Variants in BRME1 observed in about 807,000 individuals in gnomAD.
BRME1 encodes BRCA2 and MEILB2-associating protein 1.
In BRME1, 31 loss-of-function variants were observed where a neutral mutation model predicts 52.6. That is an observed-to-expected ratio of 0.59 (90% CI 0.44 to 0.80). The LOEUF (loss-of-function observed/expected upper bound fraction) is 0.80, where lower values mean the gene tolerates loss of function less well. Ranked by LOEUF, BRME1 falls within the 30% of genes least tolerant of loss-of-function variation. BRME1 has a pLI of 0.00. For synonymous variants in BRME1, 359 were observed against 353.6 expected (o/e 1.02, Z -0.17); for missense variants, 804 against 860.3 (o/e 0.93, Z 0.82).
At position 13,883,530 on chromosome 19, in the gene BRME1, G is replaced by A. The variant is rs1000199459; in HGVS notation, c.1764-130C>T. On this transcript the variant is annotated intron_variant, in intron 7 of 8. Coordinates refer to ENST00000586783, the MANE Select transcript of BRME1 (RefSeq NM_001345843.2). The surrounding 1 kb of genome is among the most constrained non-coding windows in gnomAD (Gnocchi z 4.2). ...GTCCAGCCTGTCCTCCTCTGTTCAC[G>A]ACAGAACCCTGATGGCCAACCCAGC... is the stretch of plus-strand genomic sequence containing the variant. 1.4e-5 allele frequency: 10 copies of A among 698,566 alleles called. No individual in the cohort carries two copies. Among genetic ancestry groups the A allele is most frequent in the South Asian group, 3.6e-5 (2 of 55,676 alleles). The allele number at this position is 698,566 out of a possible 1,614,324, so 43.3% of individuals were successfully genotyped here. A position where few individuals can be genotyped will look rare whatever the true frequency, so the allele number is the denominator to read the frequency against.
chr19:13,886,176 G>A, intron 6 of BRME1, 121 bp from the exon 7 acceptor site: 1 of 745,782 alleles, frequency 1.3e-6, no homozygotes, highest in Non-Finnish European at 2.2e-6. Context: ...TCACATCGGG[G>A]CTGGCTGGGA....
At chr19:13,895,239 A>G in intron 3 of BRME1, 133 bp downstream of exon 3, 1 of 884,724 alleles carries the variant, frequency 1.1e-6, no homozygotes. Flanking sequence ...GAGGGCCCTG[A>G]GCTCTGGGAG....
In BRME1 at chr19:13,890,457, T is replaced by C; in HGVS notation, c.399A>G (p.Thr133=). 6.7e-7 allele frequency: 1 copy of C among 1,493,716 alleles called. No homozygotes were observed. Among genetic ancestry groups the C allele is most frequent in the Non-Finnish European group, 8.9e-7 (1 of 1,127,568 alleles). 92.5% of individuals were successfully genotyped at this position (1,493,716 alleles called of 1,614,324 possible). ...GACTCTGGGCGCTGGACTCTGCGAT[T>C]GTTTCCTGTGGACAGAAAAAGACTC... ...DRGSGAFSLE[T]IAESSAQSPG... is the part of the protein sequence containing the mutation. Residue 133 remains threonine, a synonymous_variant, in exon 6 of 9, where the codon ACA becomes ACG. Coordinates refer to ENST00000586783, the MANE Select transcript of BRME1 (RefSeq NM_001345843.2).
chr19:13,894,994 C>A (rs1969776441), intron 3 of BRME1, among the ~76,000 whole-genome samples: 1 of 152,080 alleles, frequency 6.6e-6, no homozygotes, highest in Non-Finnish European at 1.5e-5. Context: ...GATTCTCCTG[C>A]CTTAGCCTCC....
In BRME1 at chr19:13,883,176, G is replaced by T; in HGVS notation, c.1856+132C>A. The T allele has an allele frequency of 1.0e-6, 1 of 980,930 alleles. No homozygotes were observed. The allele number at this position is 980,930 out of a possible 1,614,324, so 60.8% of individuals were successfully genotyped here. ...GACGGGGGAGGGGGGCCACGGTGAG[G>T]ACCCAGCAGCAGTGAGGTGCCTGAC... On this transcript the variant is annotated intron_variant, in intron 8 of 8. Transcript: ENST00000586783. The surrounding 1 kb of genome is among the most constrained non-coding windows in gnomAD (Gnocchi z 4.2).
intron 5 of BRME1, among the ~76,000 whole-genome samples, chr19:13,891,651 T>C (rs543442491): frequency 6.6e-6 from 1 of 151,556 alleles, no homozygotes; most frequent in South Asian, 2.1e-4. Flanking sequence ...GTTTTTTTGG[T>C]AGAGATGGCG....
At position 13,892,894 on chromosome 19, in the gene BRME1, TA is replaced by T; in HGVS notation, c.289-5del. ...GAACAAACCTCCCGAATGAGTTCTG[TA>T]AACCGGATACAAGAACAAAGCAGCA... On this transcript the variant is annotated splice_region_variant and splice_polypyrimidine_tract_variant and intron_variant, in intron 4 of 8. Transcript: ENST00000586783. 2 of 1,609,964 alleles carry T rather than the reference TA, an allele frequency of 1.2e-6. No individual in the cohort carries two copies. Among genetic ancestry groups the T allele is most frequent in the Non-Finnish European group, 1.7e-6 (2 of 1,176,184 alleles).
chr19:13,890,451 T>C lies in BRME1; in HGVS notation c.405A>G (p.Ala135=). The change falls in exon 6 of 9, where the codon GCA becomes GCG. Residue 135 remains alanine (A), a synonymous_variant. Transcript: ENST00000586783. ...GSGAFSLETI[A]ESSAQSPGCQ... ...ATCCTGGACTCTGGGCGCTGGACTCTGCGATTGTTTCCTGTGGACAGAAAA... is the reference window on the plus strand; with the variant it reads ...ATCCTGGACTCTGGGCGCTGGACTCCGCGATTGTTTCCTGTGGACAGAAAA... The C allele has an allele frequency of 1.3e-6, 2 of 1,495,050 alleles. No individual in the cohort carries two copies. The highest frequency in any genetic ancestry group is 1.8e-6 in the Non-Finnish European group (2 of 1,128,000). 92.6% of individuals were successfully genotyped at this position (1,495,050 alleles called of 1,614,324 possible).
intron 3 of BRME1, among the ~76,000 whole-genome samples, chr19:13,894,350 C>T (rs943460440): frequency 5.9e-5 from 9 of 152,214 alleles, no homozygotes; most frequent in Non-Finnish European, 8.8e-5. Context: ...CATGGTGAAA[C>T]CCCGTCTCTA....
At chr19:13,902,133 G>A (rs1970336804) in intron 2 of BRME1, among the ~76,000 whole-genome samples, 1 of 151,920 alleles carries the variant, frequency 6.6e-6, no homozygotes. Context: ...GAGGCCAGGA[G>A]TTCAAGATCA....
chr19:13,890,489 G>A (rs767496887), intron 5 of BRME1, 27 bp from the exon 6 acceptor site: 14 of 1,453,166 alleles, frequency 9.6e-6, no homozygotes, highest in African/African-American at 4.3e-5. Context: ...ACTCAGCCCC[G>A]GGGCCTTTGA....
Position 13,890,362 on chromosome 19 carries a change from G to A in BRME1, c.494C>T (p.Thr165Met), listed in dbSNP as rs201411314. 3.6e-4 allele frequency: 563 copies of A among 1,565,224 alleles called. 3 individuals carry two copies. Among genetic ancestry groups the A allele is most frequent in the Middle Eastern group, 3.4e-3 (20 of 5,828 alleles). The stretch of plus-strand genomic sequence containing the variant: ...CTCAGGGCGGGCACTGTCTGCCTGC[G>A]TTGGGTCCCCCAGCTCCGTGGCCTC... ...LQEATELGDP[T>M]QADSARPEQS... The change falls in exon 6 of 9, where the codon ACG (threonine) becomes ATG (methionine). Residue 165 changes from threonine (T) to methionine (M), a missense_variant. By Grantham distance (81) the Thr-to-Met change is moderately conservative. This residue lies in a region of BRME1 where 234 missense variants were observed against 258.1 expected (regional missense o/e 0.91). Coordinates refer to ENST00000586783, the MANE Select transcript of BRME1 (RefSeq NM_001345843.2).
intron 1 of BRME1, among the ~76,000 whole-genome samples, 188 bp downstream of exon 1, chr19:13,905,526 TA>T: frequency 7.5e-6 from 1 of 133,004 alleles, no homozygotes; most frequent in Admixed American, 7.3e-5. Flanking sequence ...AAAAAAAAAT[TA>T]GTCAGGTGCG....
chr19:13,884,445 G>A (rs1339513074), intron 7 of BRME1, among the ~76,000 whole-genome samples: 1 of 151,812 alleles, frequency 6.6e-6, no homozygotes, highest in Non-Finnish European at 1.5e-5. Flanking sequence ...GGGCAACACG[G>A]CAAAATCCCA....
Position 13,890,127 on chromosome 19 carries a change from T to C in BRME1, c.729A>G (p.Glu243=). 6.2e-7 allele frequency: 1 copy of C among 1,614,146 alleles called. No individual in the cohort carries two copies. Among genetic ancestry groups the C allele is most frequent in the Non-Finnish European group, 8.5e-7 (1 of 1,180,022 alleles). Residue 243 remains glutamate, a synonymous_variant, in exon 6 of 9, where the codon GAA becomes GAG. Coordinates refer to ENST00000586783, the MANE Select transcript of BRME1 (RefSeq NM_001345843.2). The stretch of plus-strand genomic sequence containing the variant: ...GGGCTCCTCTGTCTGGCTTCTCCCC[T>C]TCAGAATCAATGCTTGGTAGGTGTT... ...QKEHLPSIDS[E]GEKPDRGAPQ...
At chr19:13,886,206 G>C in intron 6 of BRME1, 151 bp from the exon 7 acceptor site, 1 of 632,086 alleles carries the variant, frequency 1.6e-6, no homozygotes, top group Non-Finnish European at 2.8e-6. Context: ...AGGAAGAGCG[G>C]TAACGGGGAG....
chr19:13,896,536 G>T (rs1278277506), intron 2 of BRME1, among the ~76,000 whole-genome samples: 1 of 146,078 alleles, frequency 6.8e-6, no homozygotes, highest in Non-Finnish European at 1.5e-5. Context: ...TTGCCAGGTT[G>T]TTCCATGTGA....
At chr19:13,895,864 G>A (rs1368527047) in intron 2 of BRME1, among the ~76,000 whole-genome samples, 1 of 152,208 alleles carries the variant, frequency 6.6e-6, no homozygotes, top group Admixed American at 6.6e-5. Context: ...TGCTGAAGAG[G>A]TGATGCTTTG....
At position 13,890,204 on chromosome 19, in the gene BRME1, C is replaced by T. The variant is rs759971791; in HGVS notation, c.652G>A (p.Asp218Asn). 5.0e-6 allele frequency: 8 copies of T among 1,614,116 alleles called. No individual in the cohort carries two copies. The East Asian group carries it at 1.3e-4, about 27-fold the overall frequency. ...SQDHLSEQGA[D>N]DSKPETDRVP... ...CTGTCTGTCTCAGGCTTGCTGTCAT[C>T]GGCCCCTTGTTCTGACAGGTGGTCT... is the stretch of plus-strand genomic sequence containing the variant. Residue 218 changes from aspartate (D) to asparagine (N), a missense_variant, in exon 6 of 9, where the codon GAT becomes AAT. Asp to Asn is a conservative substitution (Grantham distance 23). This residue lies in a region of BRME1 where 18 missense variants were observed against 41.1 expected (regional missense o/e 0.44). Coordinates refer to ENST00000586783, the MANE Select transcript of BRME1 (RefSeq NM_001345843.2).
Sources: allele counts gnomAD v4.1 joint callset (sites outside exome capture counted in the v4.1 genomes callset), GRCh38; gene constraint gnomAD v4.1.1; regional missense constraint gnomAD v4.1.1; non-coding constraint Gnocchi (gnomAD v3.1); transcripts MANE v1.5; gene names NCBI Gene and HGNC (gene_info 2026-07-23, HGNC 2026-07-21).